SEC24A: variants seen among roughly 807,000 people sequenced by gnomAD.
The protein encoded by SEC24A is SEC24 homolog A, COPII component, also known as protein transport protein Sec24A.
A neutral mutation model predicts 129.4 loss-of-function variants in SEC24A; 93 were observed. That is an observed-to-expected ratio of 0.72 (90% CI 0.61 to 0.85). SEC24A has a LOEUF of 0.85. Among genes scored for constraint, SEC24A ranks in the 40% least tolerant of loss-of-function variants. The pLI is 0.00. For missense variants in SEC24A, 1,264 were observed against 1,307.4 expected (o/e 0.97, Z 0.51); for synonymous variants, 460 against 467.3 (o/e 0.98, Z 0.20).
chr5:134,663,262 G>T (rs1750537087), intron 2 of SEC24A, among the ~76,000 whole-genome samples: 1 of 151,850 alleles, frequency 6.6e-6, no homozygotes, highest in Non-Finnish European at 1.5e-5. Context: ...GTATAGACAG[G>T]GTCTTACCCT....
intron 13 of SEC24A, among the ~76,000 whole-genome samples, chr5:134,695,229 A>G (rs898774291): frequency 1.1e-4 from 16 of 151,916 alleles, no homozygotes; most frequent in African/African-American, 3.6e-4. Context: ...AAAATTAGCC[A>G]GGTGTGATGC....
rs1749952460 is a variant in SEC24A at position 134,648,973 on chromosome 5, G to C, written c.-104G>C. The C allele has an allele frequency of 1.3e-6, 1 of 792,758 alleles. No individual in the cohort carries two copies. Among genetic ancestry groups the C allele is most frequent in the Non-Finnish European group, 2.1e-6 (1 of 483,836 alleles). The allele number at this position is 792,758 out of a possible 1,614,324, so 49.1% of individuals were successfully genotyped here. ...CCCCCCCCTCTTCTCCCAGTCTTCA[G>C]TCTTAAGTCGTTAGCCTCCTCCCTC... is the stretch of plus-strand genomic sequence containing the variant. On this transcript the variant is annotated 5_prime_UTR_variant, in exon 1 of 23. Coordinates refer to ENST00000398844, the MANE Select transcript of SEC24A (RefSeq NM_021982.3).
At chr5:134,679,758 C>T (rs111820240) in intron 8 of SEC24A, 30 bp downstream of exon 8, 36 of 1,516,044 alleles carry the variant, frequency 2.4e-5, no homozygotes, top group African/African-American at 8.3e-5. Flanking sequence ...AACATTTAAA[C>T]GTTTCTACTT....
chr5:134,701,392 G>C (rs1752002800), intron 15 of SEC24A: 2 of 152,082 alleles, frequency 1.3e-5, no homozygotes, highest in South Asian at 4.1e-4. Flanking sequence ...ATAAATTAAG[G>C]GAAGTGTACA....
chr5:134,681,880 C>T (rs1751284654), intron 8 of SEC24A, among the ~76,000 whole-genome samples: 1 of 152,138 alleles, frequency 6.6e-6, no homozygotes. Context: ...CTTACCATAG[C>T]TTCTAGTGCC....
At chr5:134,706,859 T>C (rs1268188142) in intron 17 of SEC24A, among the ~76,000 whole-genome samples, 1 of 151,916 alleles carries the variant, frequency 6.6e-6, no homozygotes, top group Non-Finnish European at 1.5e-5. Flanking sequence ...CCCAGCTAAT[T>C]TTTGTATTTT....
intron 9 of SEC24A, among the ~76,000 whole-genome samples, chr5:134,683,890 TTAG>T (rs1259100488): frequency 6.6e-6 from 1 of 152,226 alleles, no homozygotes; most frequent in African/African-American, 2.4e-5. Flanking sequence ...CAAATTTCAC[TTAG>T]TAGTAGAACT....
chr5:134,669,385 C>T (rs1490486721), intron 3 of SEC24A, among the ~76,000 whole-genome samples: 6 of 151,842 alleles, frequency 4.0e-5, no homozygotes, highest in Admixed American at 2.6e-4. Flanking sequence ...AGGCTGGTCT[C>T]GAACTCCTGA....
intron 8 of SEC24A, among the ~76,000 whole-genome samples, chr5:134,681,183 A>C (rs1391885618): frequency 1.3e-5 from 2 of 150,866 alleles, no homozygotes; most frequent in African/African-American, 4.9e-5. Flanking sequence ...GGATCACCTA[A>C]GGTCAGGAGT....
Position 134,705,887 on chromosome 5 carries a change from CTT to C in SEC24A, c.2551+466_2551+467del, listed in dbSNP as rs548555016. 3.6e-3 allele frequency among the ~76,000 whole-genome samples: 510 copies of C among 140,494 alleles called. 4 individuals carry two copies. The highest frequency in any genetic ancestry group is 0.018 in the East Asian group (88 of 4,878). The allele number at this position is 140,494 out of a possible 152,430, so 92.2% of individuals were successfully genotyped here. A position where few individuals can be genotyped will look rare whatever the true frequency, so the allele number is the denominator to read the frequency against. On this transcript the variant is annotated intron_variant, in intron 17 of 22. Coordinates refer to ENST00000398844, the MANE Select transcript of SEC24A (RefSeq NM_021982.3). ...TTGTCTACACTGAACTTAGCTATAT[CTT>C]TTTTTTTTTTTTTTTGAGATGGAGT...
At chr5:134,691,109 T>C (rs966816813) in intron 11 of SEC24A, among the ~76,000 whole-genome samples, 3 of 151,400 alleles carry the variant, frequency 2.0e-5, no homozygotes, top group African/African-American at 7.3e-5. Flanking sequence ...CACCTCGGCC[T>C]CCCAAAGTGC....
At chr5:134,693,333 T>C in intron 12 of SEC24A, 1 of 1,380,664 alleles carries the variant, frequency 7.2e-7, no homozygotes, top group Non-Finnish European at 9.4e-7. Flanking sequence ...TTACTGGATA[T>C]CTTAGATTTG....
intron 1 of SEC24A, among the ~76,000 whole-genome samples, chr5:134,655,049 C>G (rs977269489): frequency 1.3e-5 from 2 of 152,084 alleles, no homozygotes; most frequent in Admixed American, 1.3e-4. Context: ...GCTTTTTGGC[C>G]AGGCTGGTCT....
chr5:134,666,829 C>T lies in SEC24A; in HGVS notation c.572C>T (p.Ser191Phe). Residue 191 changes from serine to phenylalanine, a missense_variant, in exon 3 of 23, where the codon TCT becomes TTT. Transcript: ENST00000398844. ...LQNSFIKSGP[S>F]VPPLVNPPLP... ...AAAACCAATGTTTCCATAGGTCCTT[C>T]TGTACCTCCCTTAGTGAATCCACCT... 1.2e-6 allele frequency: 2 copies of T among 1,614,004 alleles called. No homozygotes were observed. Among genetic ancestry groups the T allele is most frequent in the Non-Finnish European group, 1.7e-6 (2 of 1,179,946 alleles).
At chr5:134,651,243 C>G (rs913210102) in intron 1 of SEC24A, among the ~76,000 whole-genome samples, 4 of 149,136 alleles carry the variant, frequency 2.7e-5, no homozygotes, top group Non-Finnish European at 4.4e-5. Flanking sequence ...AGGTGCATAC[C>G]ACCAGGCCCC....
chr5:134,727,326 C>G lies in SEC24A; in HGVS notation c.*2232C>G, dbSNP rs997978117. 2.0e-5 allele frequency: 3 copies of G among 152,378 alleles called. No homozygotes were observed. The highest frequency in any genetic ancestry group is 4.4e-5 in the Non-Finnish European group (3 of 67,954). The allele number at this position is 152,378 out of a possible 1,614,324, so 9.4% of individuals were successfully genotyped here. A position where few individuals can be genotyped will look rare whatever the true frequency, so the allele number is the denominator to read the frequency against. On this transcript the variant is annotated 3_prime_UTR_variant, in exon 23 of 23. Transcript: ENST00000398844. ...TACTAATGTAACAGACAAGGGCAAT[C>G]TTGGTATTTAAATCTGAGCATGGCA...
intron 2 of SEC24A, among the ~76,000 whole-genome samples, chr5:134,663,747 A>C (rs1750554755): frequency 6.6e-6 from 1 of 152,104 alleles, no homozygotes; most frequent in African/African-American, 2.4e-5. Context: ...ATAATCTGAA[A>C]TTTCTTTAGC....
intron 19 of SEC24A, chr5:134,715,411 G>T: frequency 2.8e-6 from 1 of 354,700 alleles, no homozygotes; most frequent in South Asian, 6.3e-5. Context: ...AAATTGACCA[G>T]AGCAACTTAC....
At chr5:134,715,890 A>G (rs1752463590) in intron 19 of SEC24A, among the ~76,000 whole-genome samples, 1 of 151,888 alleles carries the variant, frequency 6.6e-6, no homozygotes, top group Admixed American at 6.6e-5. Context: ...TATTTTTAAA[A>G]TATATTTTTT....
Sources: allele counts gnomAD v4.1 joint callset (sites outside exome capture counted in the v4.1 genomes callset), GRCh38; gene constraint gnomAD v4.1.1; transcripts MANE v1.5; gene names NCBI Gene and HGNC (gene_info 2026-07-23, HGNC 2026-07-21).